The following GATB variants were observed in gnomAD, a reference collection of about 807,000 sequenced individuals.
The protein encoded by GATB is glutamyl-tRNA amidotransferase subunit B.
In GATB, 39 loss-of-function variants were observed where a neutral mutation model predicts 62.3. That is an observed-to-expected ratio of 0.63 (90% CI 0.48 to 0.82). The LOEUF is 0.82. Among genes scored for constraint, GATB ranks in the 40% least tolerant of loss-of-function variants. GATB has a pLI of 0.00. For synonymous variants in GATB, 276 were observed against 258.9 expected, an observed-to-expected ratio of 1.07 and a Z score of -0.63; for missense variants, 670 against 684.0, an observed-to-expected ratio of 0.98 and a Z score of 0.23.
intron 2 of GATB, among the ~76,000 whole-genome samples, chr4:151,751,398 C>A (rs1453920219): frequency 6.6e-6 from 1 of 152,128 alleles, no homozygotes; most frequent in Non-Finnish European, 1.5e-5. Context: ...AATTAAAAAA[C>A]AAAACAAAAC....
intron 12 of GATB, 50 bp from the exon 13 acceptor site, chr4:151,671,352 T>C: frequency 6.3e-7 from 1 of 1,577,046 alleles, no homozygotes; most frequent in South Asian, 1.1e-5. Flanking sequence ...AAGGGATTCA[T>C]GCCCCCAAAT....
intron 2 of GATB, among the ~76,000 whole-genome samples, chr4:151,729,609 T>G (rs548935376): frequency 3.0e-4 from 46 of 152,180 alleles, no homozygotes; most frequent in African/African-American, 1.1e-3. Context: ...TACTCTCAAA[T>G]GGCTCATCCA....
chr4:151,734,280 C>T (rs1270537008), intron 2 of GATB, among the ~76,000 whole-genome samples: 3 of 151,666 alleles, frequency 2.0e-5, no homozygotes, highest in African/African-American at 4.9e-5. Flanking sequence ...AAATCAGTAG[C>T]TCTTCTATAT....
intron 9 of GATB, among the ~76,000 whole-genome samples, chr4:151,695,959 A>C (rs1189009428): frequency 1.1e-5 from 1 of 91,090 alleles, no homozygotes; most frequent in Admixed American, 1.2e-4. Flanking sequence ...TTTTGTAGAG[A>C]TAGGGGTCTC....
chr4:151,686,242 C>T (rs1738242662), intron 10 of GATB, among the ~76,000 whole-genome samples: 1 of 151,958 alleles, frequency 6.6e-6, no homozygotes. Context: ...CTGCCATTTT[C>T]ATTTTACAGT....
chr4:151,705,177 G>A lies in GATB; in HGVS notation c.962+8C>T, dbSNP rs1188122223. On this transcript the variant is annotated splice_region_variant and intron_variant, in intron 7 of 12. Coordinates refer to ENST00000263985, the MANE Select transcript of GATB (RefSeq NM_004564.3). Reference sequence around the variant, plus strand: ...CTGTGGTCAGGACGCTCAGCAATGCGAACTCACCCCAGCTTGTGATGAAAT... The same window carrying A: ...CTGTGGTCAGGACGCTCAGCAATGCAAACTCACCCCAGCTTGTGATGAAAT... 1.1e-5 allele frequency: 17 copies of A among 1,606,570 alleles called. No homozygotes were observed. The highest frequency in any genetic ancestry group is 4.0e-5 in the African/African-American group (3 of 74,740).
intron 9 of GATB, among the ~76,000 whole-genome samples, chr4:151,696,350 T>A (rs79860147): frequency 0.014 from 2,087 of 152,310 alleles, 43 homozygotes; most frequent in African/African-American, 0.047. Flanking sequence ...GTTCTGTGAT[T>A]GTGCTGTACA....
At chr4:151,715,103 G>A (rs2126976727) in intron 5 of GATB, among the ~76,000 whole-genome samples, 1 of 152,306 alleles carries the variant, frequency 6.6e-6, no homozygotes, top group African/African-American at 2.4e-5. Context: ...TGCTAAGCTT[G>A]GTAAACAGTA....
rs943494089 is a variant in GATB at position 151,688,717 on chromosome 4, G to A, written c.1244C>T (p.Thr415Ile). The A allele has an allele frequency of 1.6e-5, 25 of 1,611,898 alleles. No individual in the cohort carries two copies. Among genetic ancestry groups the A allele is most frequent in the Non-Finnish European group, 2.1e-5 (25 of 1,179,438 alleles). ...LEFFQNVIKE[T>I]RAEPKKVTSW... ...AGTCACCTTTTTTGGCTCTGCCCTA[G>A]TTTCTTTTATCACATTTTGGAAGAA... Residue 415 changes from threonine to isoleucine, a missense_variant, in exon 10 of 13, where the codon ACT (threonine) becomes ATT (isoleucine). Coordinates refer to ENST00000263985, the MANE Select transcript of GATB (RefSeq NM_004564.3).
At chr4:151,738,900 G>C (rs1490001242) in intron 2 of GATB, among the ~76,000 whole-genome samples, 3 of 152,136 alleles carry the variant, frequency 2.0e-5, no homozygotes, top group Non-Finnish European at 4.4e-5. Flanking sequence ...TTTTTAGCTG[G>C]GTTCATGACC....
At position 151,760,935 on chromosome 4, in the gene GATB, A is replaced by C. The variant is rs778963526; in HGVS notation, c.48T>G (p.Ala16=). The part of the protein sequence containing the change: ...LRWGCRGRRW[A]FARVDGGSCH... ...AAGAACCACCGTCAACCCGGGCGAA[A>C]GCCCAACGTCTTCCACGGCAGCCCC... The change falls in exon 1 of 13, where the codon GCT becomes GCG. Residue 16 remains alanine (A), a synonymous_variant. Coordinates refer to ENST00000263985, the MANE Select transcript of GATB (RefSeq NM_004564.3). 2.5e-6 allele frequency: 4 copies of C among 1,613,774 alleles called. No homozygotes were observed. The highest frequency in any genetic ancestry group is 3.4e-6 in the Non-Finnish European group (4 of 1,179,930).
intron 9 of GATB, among the ~76,000 whole-genome samples, chr4:151,691,159 T>G (rs768376312): frequency 2.6e-5 from 4 of 152,182 alleles, no homozygotes; most frequent in Non-Finnish European, 5.9e-5. Flanking sequence ...AAAAATCATA[T>G]GAAGAGCAAT....
intron 2 of GATB, among the ~76,000 whole-genome samples, chr4:151,756,234 C>T (rs972710111): frequency 6.6e-6 from 1 of 152,046 alleles, no homozygotes; most frequent in Non-Finnish European, 1.5e-5. Context: ...TAATGTTCTA[C>T]TAAAATCCTC....
chr4:151,720,506 T>C (rs1739006721), intron 2 of GATB: 1 of 152,224 alleles, frequency 6.6e-6, no homozygotes, highest in Admixed American at 6.5e-5. Context: ...TTGGAGGATG[T>C]CATGTTTGCA....
intron 11 of GATB, among the ~76,000 whole-genome samples, chr4:151,678,240 G>T (rs1160844893): frequency 6.6e-6 from 1 of 152,242 alleles, no homozygotes; most frequent in East Asian, 1.9e-4. Context: ...TAAACATGCT[G>T]GAAGCTGATA....
intron 2 of GATB, among the ~76,000 whole-genome samples, chr4:151,726,055 C>G (rs1739131541): frequency 6.6e-6 from 1 of 152,182 alleles, no homozygotes; most frequent in Non-Finnish European, 1.5e-5. Flanking sequence ...TTCCAAAAAG[C>G]CCACATGGCA....
At chr4:151,673,676 G>A (rs1248647409) in intron 11 of GATB, 1 of 152,008 alleles carries the variant, frequency 6.6e-6, no homozygotes, top group Non-Finnish European at 1.5e-5. Flanking sequence ...TCAAACCTGA[G>A]AAAAAGGAAA....
intron 12 of GATB, 123 bp downstream of exon 12, chr4:151,672,639 A>T: frequency 1.0e-6 from 1 of 957,140 alleles, no homozygotes; most frequent in Non-Finnish European, 1.6e-6. Flanking sequence ...TGAGGGAATT[A>T]TTGATGAAAC....
At chr4:151,672,659 C>T in intron 12 of GATB, 103 bp downstream of exon 12, 1 of 1,239,530 alleles carries the variant, frequency 8.1e-7, no homozygotes, top group Non-Finnish European at 1.1e-6. Flanking sequence ...CTGGGTCAGC[C>T]ATTCTTAGGA....
Sources: allele counts gnomAD v4.1 joint callset (sites outside exome capture counted in the v4.1 genomes callset), GRCh38; gene constraint gnomAD v4.1.1; transcripts MANE v1.5; gene names NCBI Gene and HGNC (gene_info 2026-07-23, HGNC 2026-07-21).